CRACD: variants seen among roughly 807,000 people sequenced by gnomAD.
CRACD encodes capping protein inhibiting regulator of actin dynamics.
CRACD carries 56 observed loss-of-function variants against 106.8 expected under a neutral mutation model. The ratio of observed to expected loss-of-function variants is 0.52; its 90% confidence interval spans 0.42 to 0.66. The LOEUF is 0.66. Ranked by LOEUF, CRACD falls within the 30% of genes least tolerant of loss-of-function variation. The pLI is 0.00. For synonymous variants in CRACD, 754 were observed against 670.8 expected, an observed-to-expected ratio of 1.12 and a Z score of -1.92; for missense variants, 1,730 against 1,623.2, an observed-to-expected ratio of 1.07 and a Z score of -1.13.
chr4:56,319,282 A>G (rs970816762), intron 8 of CRACD, among the ~76,000 whole-genome samples: 5 of 152,268 alleles, frequency 3.3e-5, no homozygotes, highest in Admixed American at 3.3e-4. Flanking sequence ...CTATGGGGTC[A>G]CTGCCAGTCA....
At chr4:56,089,527 T>G (rs1180754380) in intron 1 of CRACD, among the ~76,000 whole-genome samples, 1 of 151,490 alleles carries the variant, frequency 6.6e-6, no homozygotes, top group Non-Finnish European at 1.5e-5. Context: ...TTTTTTTTTT[T>G]TTTGAGACGG....
At chr4:56,215,161 C>T (rs1738615085) in intron 2 of CRACD, among the ~76,000 whole-genome samples, 1 of 152,128 alleles carries the variant, frequency 6.6e-6, no homozygotes, top group African/African-American at 2.4e-5. Context: ...AAGCACATAC[C>T]ACCACACTCA....
chr4:56,288,890 G>A (rs1162692376), intron 3 of CRACD, among the ~76,000 whole-genome samples: 3 of 152,168 alleles, frequency 2.0e-5, no homozygotes, highest in Admixed American at 1.3e-4. Flanking sequence ...CCCATTGATG[G>A]ATGAATGTAT....
At chr4:56,052,400 C>T (rs549917817) in intron 1 of CRACD, among the ~76,000 whole-genome samples, 3 of 152,298 alleles carry the variant, frequency 2.0e-5, no homozygotes, top group Non-Finnish European at 2.9e-5. Context: ...TCAGGAACTA[C>T]GCTTTGAAAA....
intron 2 of CRACD, among the ~76,000 whole-genome samples, chr4:56,247,623 A>T (rs1006373133): frequency 6.6e-6 from 1 of 152,170 alleles, no homozygotes; most frequent in Non-Finnish European, 1.5e-5. Context: ...AGGCAGGTGG[A>T]TCACCTGAGG....
chr4:56,139,845 G>A (rs192450802), intron 1 of CRACD, among the ~76,000 whole-genome samples: 13 of 152,074 alleles, frequency 8.5e-5, no homozygotes, highest in Non-Finnish European at 1.2e-4. Context: ...AAAAAAATCC[G>A]TAACTATTCT....
chr4:56,330,332 C>T lies in CRACD; in HGVS notation c.*2528C>T, dbSNP rs1746732167. ...TTTTCAAGTGCAATTGTTTCTTACA[C>T]AGACATTATTACTATTAAATTATCA... On this transcript the variant is annotated 3_prime_UTR_variant, in exon 11 of 11. Transcript: ENST00000682029. 6.6e-6 allele frequency among the ~76,000 whole-genome samples: 1 copy of T among 151,976 alleles called. No individual in the cohort carries two copies. The highest frequency in any genetic ancestry group is 2.4e-5 in the African/African-American group (1 of 41,376).
At chr4:56,176,849 ATTTCT>A (rs553679457) in intron 1 of CRACD, among the ~76,000 whole-genome samples, 7 of 152,036 alleles carry the variant, frequency 4.6e-5, no homozygotes, top group Non-Finnish European at 8.8e-5. Context: ...TACTTTCTAG[ATTTCT>A]TTTCCAGATT....
At chr4:56,095,758 C>A (rs1733579086) in intron 1 of CRACD, among the ~76,000 whole-genome samples, 1 of 152,100 alleles carries the variant, frequency 6.6e-6, no homozygotes, top group Admixed American at 6.5e-5. Flanking sequence ...GTGATATAAT[C>A]CAACTTATCG....
intron 1 of CRACD, among the ~76,000 whole-genome samples, chr4:56,085,444 C>A (rs936131903): frequency 6.6e-6 from 1 of 151,890 alleles, no homozygotes; most frequent in Non-Finnish European, 1.5e-5. Flanking sequence ...CCAAGAGAAA[C>A]GGATTCTTGT....
At chr4:56,093,134 CCTTT>C (rs1227255104) in intron 1 of CRACD, among the ~76,000 whole-genome samples, 1 of 152,044 alleles carries the variant, frequency 6.6e-6, no homozygotes, top group African/African-American at 2.4e-5. Context: ...TCTCCTTAGT[CCTTT>C]CTTATCTGTT....
chr4:56,269,157 CA>C (rs997586113), intron 2 of CRACD, among the ~76,000 whole-genome samples: 2 of 151,960 alleles, frequency 1.3e-5, no homozygotes, highest in African/African-American at 4.8e-5. Context: ...CTGAAGTGGG[CA>C]GATTAATTGA....
At chr4:56,233,329 A>G (rs931716476) in intron 2 of CRACD, among the ~76,000 whole-genome samples, 3 of 152,042 alleles carry the variant, frequency 2.0e-5, no homozygotes, top group Admixed American at 6.6e-5. Context: ...CCCAGGCTGA[A>G]CACCTGGGCT....
chr4:56,115,038 TGTGGGAG>T (rs1055722197), intron 1 of CRACD, among the ~76,000 whole-genome samples: 5 of 152,140 alleles, frequency 3.3e-5, no homozygotes, highest in Middle Eastern at 3.4e-3. Flanking sequence ...AATAAAATGT[TGTGGGAG>T]GTCATTGGAA....
At chr4:56,295,175 T>C (rs947303433) in intron 3 of CRACD, among the ~76,000 whole-genome samples, 4 of 152,042 alleles carry the variant, frequency 2.6e-5, no homozygotes, top group Non-Finnish European at 5.9e-5. Context: ...AGTTACTTAA[T>C]TTATAGCAAA....
intron 1 of CRACD, among the ~76,000 whole-genome samples, chr4:56,156,432 C>G (rs1450279959): frequency 1.3e-5 from 2 of 152,160 alleles, no homozygotes; most frequent in Admixed American, 1.3e-4. Flanking sequence ...ACCGTGTGAC[C>G]AGGACAGGCT....
Position 56,310,655 on chromosome 4 carries a change from T to C in CRACD, c.286-11T>C, listed in dbSNP as rs201470828. 4.4e-5 allele frequency: 71 copies of C among 1,598,968 alleles called. 1 individual carries two copies. In the African/African-American group the frequency reaches 7.4e-4, roughly 17 times the overall value. ...CAGGCCTTTGACTTGAATGCTCTCT[T>C]ACTGTTCCAGTCCAGTGATACGCCA... On this transcript the variant is annotated splice_polypyrimidine_tract_variant and intron_variant, in intron 5 of 10. Transcript: ENST00000682029.
At chr4:56,297,224 G>A (rs1744105956) in intron 3 of CRACD, among the ~76,000 whole-genome samples, 1 of 152,128 alleles carries the variant, frequency 6.6e-6, no homozygotes, top group Non-Finnish European at 1.5e-5. Context: ...CTTGGCATGA[G>A]CCACCGTGCC....
chr4:56,315,212 C>T lies in CRACD; in HGVS notation c.1710C>T (p.Pro570=), dbSNP rs1745517487. Residue 570 remains proline (P), a synonymous_variant, in exon 8 of 11, where the codon CCC becomes CCT. Transcript: ENST00000682029. This position sits in a 1 kb window ranked among gnomAD's most constrained non-coding sequence, Gnocchi z 4.1. Reference sequence around the variant, plus strand: ...AGGACACGGGGCTCACCGCTGCTCCCCAGGAACCAAAGGCCCCCAAAGCCA... The same window carrying T: ...AGGACACGGGGCTCACCGCTGCTCCTCAGGAACCAAAGGCCCCCAAAGCCA... ...PAKDTGLTAA[P]QEPKAPKASP... 1 of 1,594,094 alleles carries T rather than the reference C, an allele frequency of 6.3e-7. No individual in the cohort carries two copies. Among genetic ancestry groups the T allele is most frequent in the East Asian group, 2.3e-5 (1 of 44,118 alleles).
Sources: gnomAD v4.1 joint callset for allele counts (sites outside exome capture counted in the v4.1 genomes callset) on GRCh38, gnomAD v4.1.1 for gene constraint, Gnocchi (gnomAD v3.1) non-coding constraint, MANE v1.5 for transcripts, NCBI Gene and HGNC (gene_info 2026-07-23, HGNC 2026-07-21) for gene names.